KIF3A: variants seen among roughly 807,000 people sequenced by gnomAD.
The protein encoded by KIF3A is kinesin-like protein KIF3A.
In KIF3A, 27 loss-of-function variants were observed where a neutral mutation model predicts 92.6. That is an observed-to-expected ratio of 0.29 (90% CI 0.21 to 0.40). The LOEUF is 0.40. Among genes scored for constraint, KIF3A ranks in the 10% least tolerant of loss-of-function variants. The pLI, the probability that KIF3A is intolerant of heterozygous loss-of-function variation, is 1.00. For missense variants in KIF3A, 581 were observed against 872.6 expected (o/e 0.67, Z 4.21); for synonymous variants, 250 against 275.4 (o/e 0.91, Z 0.92).
At chr5:132,727,857 T>C (rs1754086943) in intron 2 of KIF3A, among the ~76,000 whole-genome samples, 1 of 152,146 alleles carries the variant, frequency 6.6e-6, no homozygotes, top group African/African-American at 2.4e-5. Context: ...ATGAAAACGG[T>C]TCCTCAACTA....
At chr5:132,700,128 G>T in intron 17 of KIF3A, 88 bp downstream of exon 17, 2 of 750,726 alleles carry the variant, frequency 2.7e-6, no homozygotes, top group Non-Finnish European at 4.3e-6. Context: ...CAGATATCAA[G>T]TTGATAATAC....
At chr5:132,728,893 G>A (rs1032515454) in intron 2 of KIF3A, among the ~76,000 whole-genome samples, 1 of 152,030 alleles carries the variant, frequency 6.6e-6, no homozygotes, top group East Asian at 1.9e-4. Context: ...CAACACCTAG[G>A]CAACACAGTG....
intron 11 of KIF3A, among the ~76,000 whole-genome samples, chr5:132,703,879 A>G (rs1581067925): frequency 1.3e-5 from 2 of 151,960 alleles, no homozygotes; most frequent in East Asian, 3.8e-4. Flanking sequence ...GAAGCAAAAT[A>G]GATGAGCTAA....
In KIF3A at chr5:132,695,809, A is replaced by G. The variant is rs929601084; in HGVS notation, c.*825T>C. The G allele has an allele frequency of 1.3e-5, 2 of 152,356 alleles. No individual in the cohort carries two copies. The highest frequency in any genetic ancestry group is 4.8e-5 in the African/African-American group (2 of 41,466). 9.4% of individuals were successfully genotyped at this position (152,356 alleles called of 1,614,324 possible). A position where few individuals can be genotyped will look rare whatever the true frequency, so the allele number is the denominator to read the frequency against. ...ATTTAGAACTCAAAGAAAAGCATCC[A>G]TAACACTTCAGAGTGAATTTTTAAA... On this transcript the variant is annotated 3_prime_UTR_variant, in exon 19 of 19. Transcript: ENST00000403231.
chr5:132,688,969 T>C (rs1252615432), downstream of KIF3A, among the ~76,000 whole-genome samples: 1 of 152,192 alleles, frequency 6.6e-6, no homozygotes, highest in East Asian at 1.9e-4. Context: ...TGATCTGTCA[T>C]ATTCTTTAGT....
downstream of KIF3A, among the ~76,000 whole-genome samples, chr5:132,691,071 A>T (rs1752650844): frequency 6.6e-6 from 1 of 152,204 alleles, no homozygotes; most frequent in South Asian, 2.1e-4. Context: ...ATTAACAATA[A>T]CCCAAGTAAT....
At chr5:132,701,677 G>A (rs1307210069) in intron 15 of KIF3A, among the ~76,000 whole-genome samples, 2 of 151,958 alleles carry the variant, frequency 1.3e-5, no homozygotes, top group Non-Finnish European at 2.9e-5. Flanking sequence ...TGTCCTAAAT[G>A]CCATTGAACT....
intron 9 of KIF3A, among the ~76,000 whole-genome samples, chr5:132,709,718 A>T (rs1001130091): frequency 2.6e-5 from 4 of 152,244 alleles, no homozygotes; most frequent in African/African-American, 9.6e-5. Context: ...AAAAGGACAG[A>T]TAAGTGTTTG....
chr5:132,712,492 C>A (rs1298440427), intron 8 of KIF3A, among the ~76,000 whole-genome samples: 1 of 152,108 alleles, frequency 6.6e-6, no homozygotes, highest in Non-Finnish European at 1.5e-5. Flanking sequence ...TTCTTCCATA[C>A]AATAGAATCC....
In KIF3A at chr5:132,699,198, C is replaced by T. The variant is rs1334373320; in HGVS notation, c.2105G>A (p.Gly702Glu). 6.2e-7 allele frequency: 1 copy of T among 1,613,876 alleles called. No homozygotes were observed. Among genetic ancestry groups the T allele is most frequent in the African/African-American group, 1.3e-5 (1 of 74,890 alleles). ...MKLERPRTSKGKARPKTGRRK... is the reference protein window; with the variant it reads ...MKLERPRTSKEKARPKTGRRK... ...TCTCCCTGTCTTTGGCCTTGCTTTC[C>T]CCTTTGAAGTTCGTGGTCTTTCTAG... Residue 702 changes from glycine to glutamate, a missense_variant, in exon 18 of 19, where the codon GGG becomes GAG. Gly to Glu is a moderately conservative substitution (Grantham distance 98). This residue lies in a region of KIF3A where 112 missense variants were observed against 144.3 expected (regional missense o/e 0.78). Coordinates refer to ENST00000403231, the MANE Select transcript of KIF3A (RefSeq NM_001300791.2).
At chr5:132,713,013 C>A (rs1341331882) in intron 8 of KIF3A, among the ~76,000 whole-genome samples, 1 of 152,140 alleles carries the variant, frequency 6.6e-6, no homozygotes, top group Non-Finnish European at 1.5e-5. Flanking sequence ...CGAAAATTAG[C>A]TGGGCGAGGT....
downstream of KIF3A, among the ~76,000 whole-genome samples, chr5:132,690,862 G>A (rs1323399865): frequency 1.3e-5 from 2 of 152,148 alleles, no homozygotes; most frequent in African/African-American, 4.8e-5. Context: ...AGGAGGCGGA[G>A]CTTGCAGTGA....
chr5:132,731,173 T>C (rs1211171960), intron 2 of KIF3A, among the ~76,000 whole-genome samples: 1 of 152,214 alleles, frequency 6.6e-6, no homozygotes, highest in Admixed American at 6.5e-5. Context: ...TTCTAACCCA[T>C]TCTATGAAAC....
rs545174157 is a variant in KIF3A, at chr5:132,722,657, C to T, written c.511-1943G>A. 1.6e-3 allele frequency among the ~76,000 whole-genome samples: 238 copies of T among 152,276 alleles called. 2 individuals are homozygous for T. Among genetic ancestry groups the T allele is most frequent in the African/African-American group, 5.6e-3 (233 of 41,556 alleles). On this transcript the variant is annotated intron_variant, in intron 4 of 18. Transcript: ENST00000403231. ...GAGTCTGTCATATGTAACTTTATTTCACATATAAAGACAAAGTGCTTTTCC... is the reference window on the plus strand; with the variant it reads ...GAGTCTGTCATATGTAACTTTATTTTACATATAAAGACAAAGTGCTTTTCC...
chr5:132,700,224 C>T lies in KIF3A; in HGVS notation c.1999G>A (p.Glu667Lys). 1 of 1,569,616 alleles carries T rather than the reference C, an allele frequency of 6.4e-7. No individual in the cohort carries two copies. The highest frequency in any genetic ancestry group is 2.2e-5 in the East Asian group (1 of 44,632). ...RKQTPVPDKKEKDPFEVDLSH... is the reference protein window; with the variant it reads ...RKQTPVPDKKKKDPFEVDLSH... ...TTTTTAAGTACTCTTACATCTTTCTCCTTTTTATCAGGTACTGGGGTTTGC... is the reference window on the plus strand; with the variant it reads ...TTTTTAAGTACTCTTACATCTTTCTTCTTTTTATCAGGTACTGGGGTTTGC... The change falls in exon 17 of 19, where the codon GAG (glutamate) becomes AAG (lysine). Residue 667 changes from glutamate to lysine, a missense_variant. Transcript: ENST00000403231.
At position 132,693,581 on chromosome 5, in the gene KIF3A, T is replaced by G. The variant is rs1318198951; in HGVS notation, c.*3053A>C. ...AACACTGACCTTACAACATATTTCA[T>G]TTGTGGACAAAGACACAGTAAATGT... On this transcript the variant is annotated 3_prime_UTR_variant, in exon 19 of 19. Coordinates refer to ENST00000403231, the MANE Select transcript of KIF3A (RefSeq NM_001300791.2). 6.5e-6 allele frequency: 1 copy of G among 152,784 alleles called. No homozygotes were observed. Among genetic ancestry groups the G allele is most frequent in the Non-Finnish European group, 1.5e-5 (1 of 68,030 alleles). The allele number at this position is 152,784 out of a possible 1,614,324, so 9.5% of individuals were successfully genotyped here.
intron 4 of KIF3A, 117 bp from the exon 5 acceptor site, chr5:132,720,831 A>G: frequency 1.7e-6 from 1 of 592,634 alleles, no homozygotes; most frequent in South Asian, 2.4e-5. Context: ...TAAGATAGAC[A>G]CTGTTCCTAC....
In KIF3A at chr5:132,700,089, T is replaced by C. The variant is rs143317845; in HGVS notation, c.2007+127A>G. 2,340 of 622,878 alleles carry C rather than the reference T, an allele frequency of 3.8e-3. 8 individuals are homozygous for C. Among genetic ancestry groups the C allele is most frequent in the Admixed American group, 6.2e-3 (212 of 34,286 alleles). The allele number at this position is 622,878 out of a possible 1,614,324, so 38.6% of individuals were successfully genotyped here. A position where few individuals can be genotyped will look rare whatever the true frequency, so the allele number is the denominator to read the frequency against. ...CCTAGAGCCTTTATTCCCAAAAGTATCAGCCCATTTTTCAGCAGAGCTGAT... is the reference window on the plus strand; with the variant it reads ...CCTAGAGCCTTTATTCCCAAAAGTACCAGCCCATTTTTCAGCAGAGCTGAT... On this transcript the variant is annotated intron_variant, in intron 17 of 18. Transcript: ENST00000403231.
Position 132,734,369 on chromosome 5 carries a change from A to T in KIF3A, c.116T>A (p.Val39Glu). 6.2e-7 allele frequency: 1 copy of T among 1,614,142 alleles called. No homozygotes were observed. Among genetic ancestry groups the T allele is most frequent in the Non-Finnish European group, 8.5e-7 (1 of 1,180,008 alleles). The change falls in exon 2 of 19, where the codon GTG (valine) becomes GAG (glutamate). Residue 39 changes from valine to glutamate, a missense_variant. This residue lies in a region of KIF3A where 217 missense variants were observed against 299.7 expected (regional missense o/e 0.72). Transcript: ENST00000403231. ...KSMCYKQAVSVDEMRGTITVH... is the reference protein window; with the variant it reads ...KSMCYKQAVSEDEMRGTITVH... ...AGTGATAGTTCCCCTCATCTCATCC[A>T]CACTGACAGCCTGTTTGTAGCACAT...
Sources: gnomAD v4.1 joint callset for allele counts (sites outside exome capture counted in the v4.1 genomes callset) on GRCh38, gnomAD v4.1.1 for gene constraint, gnomAD v4.1.1 regional missense constraint, MANE v1.5 for transcripts, NCBI Gene and HGNC (gene_info 2026-07-23, HGNC 2026-07-21) for gene names.